The following VWA8 variants were observed in gnomAD, a reference collection of about 807,000 sequenced individuals.
The protein encoded by VWA8 is von Willebrand factor A domain containing 8.
Under a neutral mutation model 241.5 loss-of-function variants are expected in VWA8, and 221 were observed. The ratio of observed to expected loss-of-function variants is 0.91; its 90% CI spans 0.82 to 1.02. The LOEUF (loss-of-function observed/expected upper bound fraction) is 1.02, where lower values mean the gene tolerates loss of function less well. Among genes scored for constraint, VWA8 ranks in the 50% least tolerant of loss-of-function variants. The probability of loss-of-function intolerance (pLI) is 0.00; values close to 1 mark genes in which losing one functional copy is unlikely to be tolerated. For synonymous variants in VWA8, 852 were observed against 827.1 expected, an observed-to-expected ratio of 1.03 and a Z score of -0.52; for missense variants, 2,322 against 2,328.7, an observed-to-expected ratio of 1.00 and a Z score of 0.06.
chr13:41,927,284 C>T, intron 2 of VWA8: 3 of 511,938 alleles, frequency 5.9e-6, no homozygotes, highest in Middle Eastern at 3.5e-4. Context: ...GCTATAAAAC[C>T]CAAAGACAAG....
At chr13:41,932,593 A>G (rs1184112697) in intron 2 of VWA8, among the ~76,000 whole-genome samples, 1 of 151,998 alleles carries the variant, frequency 6.6e-6, no homozygotes, top group East Asian at 1.9e-4. Context: ...ATATAAAAAG[A>G]CTCACACATT....
At chr13:41,771,708 A>C (rs544743893) in intron 20 of VWA8, among the ~76,000 whole-genome samples, 1 of 152,196 alleles carries the variant, frequency 6.6e-6, no homozygotes, top group African/African-American at 2.4e-5. Flanking sequence ...CACCCTGAGT[A>C]GCTGGGACTA....
At chr13:41,782,868 C>T (rs953020075) in intron 19 of VWA8, among the ~76,000 whole-genome samples, 17 of 151,592 alleles carry the variant, frequency 1.1e-4, no homozygotes, top group Non-Finnish European at 1.8e-4. Context: ...AAGTAAACAT[C>T]TACAATAAAG....
chr13:41,879,151 G>T (rs914437341), intron 9 of VWA8, among the ~76,000 whole-genome samples: 1 of 152,156 alleles, frequency 6.6e-6, no homozygotes, highest in South Asian at 2.1e-4. Context: ...ATTTAGCTTA[G>T]GTGTTGATTA....
At chr13:41,938,561 G>A (rs1877455052) in intron 2 of VWA8, among the ~76,000 whole-genome samples, 1 of 151,974 alleles carries the variant, frequency 6.6e-6, no homozygotes, top group African/African-American at 2.4e-5. Flanking sequence ...TGAGGCAGGA[G>A]GATCGCTTGA....
chr13:41,598,247 T>C (rs1285444755), intron 40 of VWA8, among the ~76,000 whole-genome samples: 1 of 152,080 alleles, frequency 6.6e-6, no homozygotes, highest in Admixed American at 6.6e-5. Flanking sequence ...TGTTACACTT[T>C]TACTTTCTTC....
intron 21 of VWA8, among the ~76,000 whole-genome samples, chr13:41,744,814 GTTTAA>G (rs2045592078): frequency 6.6e-6 from 1 of 151,872 alleles, no homozygotes; most frequent in Non-Finnish European, 1.5e-5. Flanking sequence ...ATACTGACTT[GTTTAA>G]TTTATTTATT....
intron 37 of VWA8, among the ~76,000 whole-genome samples, chr13:41,652,125 C>T (rs777989948): frequency 6.6e-6 from 1 of 152,208 alleles, no homozygotes; most frequent in Non-Finnish European, 1.5e-5. Flanking sequence ...GGCACAACTT[C>T]CTGTTCACCT....
At chr13:41,682,182 A>G (rs2045105256) in intron 35 of VWA8, among the ~76,000 whole-genome samples, 1 of 152,178 alleles carries the variant, frequency 6.6e-6, no homozygotes, top group Non-Finnish European at 1.5e-5. Context: ...ACATAGACCA[A>G]TGGAACACAA....
At chr13:41,573,527 G>A (rs533851798) in intron 43 of VWA8, among the ~76,000 whole-genome samples, 122 of 134,234 alleles carry the variant, frequency 9.1e-4, no homozygotes, top group African/African-American at 3.5e-3. Context: ...ATATATACGT[G>A]TATATATATA....
rs751179987 is a variant in VWA8, at chr13:41,719,735, G to A, written c.2972C>T (p.Pro991Leu). The A allele has an allele frequency of 3.4e-5, 54 of 1,603,384 alleles. 1 individual carries two copies. The highest frequency in any genetic ancestry group is 2.7e-4 in the South Asian group (24 of 88,418). Residue 991 changes from proline (P) to leucine (L), a missense_variant, in exon 26 of 45, where the codon CCG (proline) becomes CTG (leucine). By Grantham distance (98) the Pro-to-Leu change is moderately conservative (BLOSUM62 -3). Coordinates refer to ENST00000379310, the MANE Select transcript of VWA8 (RefSeq NM_015058.2). ...AACTACACTGGAGAGACCTTCAGTC[G>A]GAAATTTCTGTATTAAAAAAAAATT... is the stretch of plus-strand genomic sequence containing the variant. The part of the protein sequence containing the change: ...VNIVKHLQKF[P>L]TEGLSSVVRN...
intron 21 of VWA8, among the ~76,000 whole-genome samples, chr13:41,749,989 G>A (rs55874344): frequency 0.056 from 8,441 of 151,722 alleles, 277 homozygotes; most frequent in African/African-American, 0.088. Flanking sequence ...AAACCTGCGC[G>A]TTGTGCACAT....
At chr13:41,587,413 G>A in intron 42 of VWA8, 99 bp downstream of exon 42, 1 of 1,487,190 alleles carries the variant, frequency 6.7e-7, no homozygotes, top group Non-Finnish European at 9.2e-7. Flanking sequence ...GAGCTGGTGA[G>A]AGGATGAAGA....
intron 37 of VWA8, among the ~76,000 whole-genome samples, chr13:41,628,673 C>A (rs1205895987): frequency 1.3e-5 from 2 of 152,082 alleles, no homozygotes; most frequent in East Asian, 3.9e-4. Flanking sequence ...CAAATTAATG[C>A]AGGAACAGAA....
At chr13:41,776,255 C>G (rs1389800515) in intron 20 of VWA8, among the ~76,000 whole-genome samples, 1 of 152,198 alleles carries the variant, frequency 6.6e-6, no homozygotes, top group Non-Finnish European at 1.5e-5. Flanking sequence ...CTGAAAAGGA[C>G]ACACTGAGTG....
At chr13:41,622,064 A>T (rs2044660358) in intron 37 of VWA8, among the ~76,000 whole-genome samples, 1 of 152,184 alleles carries the variant, frequency 6.6e-6, no homozygotes, top group Non-Finnish European at 1.5e-5. Flanking sequence ...GAAGGCACTT[A>T]GCTTATCTAA....
At chr13:41,692,776 T>A (rs926012596) in intron 30 of VWA8, 86 bp downstream of exon 30, 17 of 1,041,588 alleles carry the variant, frequency 1.6e-5, no homozygotes, top group Non-Finnish European at 2.0e-5. Flanking sequence ...AAAAGGCACT[T>A]AAAGGGATGG....
chr13:41,730,256 T>C (rs897836772), intron 22 of VWA8, among the ~76,000 whole-genome samples: 16 of 152,172 alleles, frequency 1.1e-4, no homozygotes, highest in Admixed American at 2.6e-4. Context: ...GAATTAGAAG[T>C]TAAATGTGAG....
At chr13:41,907,042 T>A (rs193121852) in intron 4 of VWA8, among the ~76,000 whole-genome samples, 1 of 152,276 alleles carries the variant, frequency 6.6e-6, no homozygotes, top group South Asian at 2.1e-4. Flanking sequence ...TAAATACTCC[T>A]AAGAACAATA....
Sources: gnomAD v4.1 joint callset for allele counts (sites outside exome capture counted in the v4.1 genomes callset) on GRCh38, gnomAD v4.1.1 for gene constraint, MANE v1.5 for transcripts, NCBI Gene and HGNC (gene_info 2026-07-23, HGNC 2026-07-21) for gene names.